The following SCAF11 variants were observed in gnomAD, a reference collection of about 807,000 sequenced individuals.
The protein encoded by SCAF11 is protein SCAF11.
A neutral mutation model predicts 140.5 loss-of-function variants in SCAF11; 47 were observed. The observed-to-expected ratio is 0.33, with a 90% CI of 0.26 to 0.43. SCAF11 has a LOEUF of 0.43. SCAF11 is among the 20% of genes least tolerant of loss of function. The pLI, the probability that SCAF11 is intolerant of heterozygous loss-of-function variation, is 1.00. For synonymous variants in SCAF11, 557 were observed against 579.4 expected (o/e 0.96, Z 0.55); for missense variants, 1,645 against 1,705.1 (o/e 0.96, Z 0.62).
rs1161992578 is a variant in SCAF11 at position 45,961,792 on chromosome 12, T to C, written c.127A>G (p.Ile43Val). 6 of 1,613,170 alleles carry C rather than the reference T, an allele frequency of 3.7e-6. No homozygotes were observed. The highest frequency in any genetic ancestry group is 2.2e-5 in the East Asian group (1 of 44,806). ...TTTTCTAATAGACAATTAAGACATA[T>C]TGGGCATCTGTCAGCCTCACTGTAC... The part of the protein sequence containing the change: ...LLYSEADRCP[I>V]CLNCLLEKEV... Residue 43 changes from isoleucine to valine, a missense_variant, in exon 3 of 15, where the codon ATA (isoleucine) becomes GTA (valine). This residue lies in a region of SCAF11 where 1,582 missense variants were observed against 1,609.2 expected (regional missense o/e 0.98). Coordinates refer to ENST00000369367, the MANE Select transcript of SCAF11 (RefSeq NM_004719.3).
rs527821452 is a variant in SCAF11 at position 45,920,607 on chromosome 12, GAAAA to G, written c.*1437_*1440del. 3.7e-5 allele frequency: 5 copies of G among 135,372 alleles called. No homozygotes were observed. The highest frequency in any genetic ancestry group is 2.3e-4 in the South Asian group (1 of 4,384). 8.4% of individuals were successfully genotyped at this position (135,372 alleles called of 1,614,324 possible). ...CTGAGATATTCTAGTATTAAAAAGA[GAAAA>G]AAAAAAAAACCCAAATCCCTAATCC... On this transcript the variant is annotated 3_prime_UTR_variant, in exon 15 of 15. Transcript: ENST00000369367.
At chr12:45,990,641 C>T (rs1057423483), upstream of SCAF11, 17 of 1,170,900 alleles carry the variant, frequency 1.5e-5, no homozygotes, top group South Asian at 4.5e-4. Flanking sequence ...CTCCTCCTCC[C>T]TTCCCTCGCT....
At chr12:45,922,354 A>C in intron 14 of SCAF11, 109 bp downstream of exon 14, 1 of 1,488,596 alleles carries the variant, frequency 6.7e-7, no homozygotes. Flanking sequence ...AGTAGACAGG[A>C]ATTAGTAGGA....
chr12:45,949,086 C>A (rs547452110), intron 4 of SCAF11, among the ~76,000 whole-genome samples: 1 of 152,070 alleles, frequency 6.6e-6, no homozygotes. Context: ...CAAGTGAATG[C>A]GATGATCAAA....
At chr12:45,978,337 T>C (rs1005628471) in intron 1 of SCAF11, among the ~76,000 whole-genome samples, 13 of 152,186 alleles carry the variant, frequency 8.5e-5, no homozygotes, top group African/African-American at 2.9e-4. Flanking sequence ...TACAATGACA[T>C]AACTAATTTA....
At chr12:45,990,168 C>T (rs373548102) in intron 1 of SCAF11, among the ~76,000 whole-genome samples, 185 bp downstream of exon 1, 8 of 152,118 alleles carry the variant, frequency 5.3e-5, no homozygotes, top group Admixed American at 2.0e-4. Flanking sequence ...GCCTCCCCCA[C>T]TTCGAGAGGT....
At chr12:45,971,859 G>A (rs779620226) in intron 1 of SCAF11, among the ~76,000 whole-genome samples, 1 of 152,072 alleles carries the variant, frequency 6.6e-6, no homozygotes, top group African/African-American at 2.4e-5. Flanking sequence ...AAAAAACTCT[G>A]GGCCAATCTT....
chr12:45,952,818 T>C (rs2136581839), intron 3 of SCAF11, among the ~76,000 whole-genome samples: 1 of 152,308 alleles, frequency 6.6e-6, no homozygotes, highest in South Asian at 2.1e-4. Flanking sequence ...ATTTTAACAA[T>C]CTAATAGCAA....
chr12:45,919,833 A>T lies in SCAF11; in HGVS notation c.*2215T>A, dbSNP rs997055974. On this transcript the variant is annotated 3_prime_UTR_variant, in exon 15 of 15. Coordinates refer to ENST00000369367, the MANE Select transcript of SCAF11 (RefSeq NM_004719.3). The stretch of plus-strand genomic sequence containing the variant: ...TTGACCACATCACTTTTTCTCCAAA[A>T]CTTTAGAACTTGTTTGCAAAAGCTA... 6 of 152,220 alleles carry T rather than the reference A, an allele frequency of 3.9e-5. No individual in the cohort carries two copies. The highest frequency in any genetic ancestry group is 2.4e-5 in the African/African-American group (1 of 41,462). 9.4% of individuals were successfully genotyped at this position (152,220 alleles called of 1,614,324 possible).
At chr12:45,975,533 C>G in intron 1 of SCAF11, 1 of 190,670 alleles carries the variant, frequency 5.2e-6, no homozygotes, top group South Asian at 1.2e-4. Flanking sequence ...CCTTAAACTT[C>G]ATGAACCAAC....
chr12:45,948,027 G>A (rs1268847269), intron 5 of SCAF11, among the ~76,000 whole-genome samples: 1 of 152,116 alleles, frequency 6.6e-6, no homozygotes, highest in Non-Finnish European at 1.5e-5. Context: ...AAAAGGTTTG[G>A]TCTAAAACAG....
chr12:45,928,737 T>A lies in SCAF11; in HGVS notation c.964A>T (p.Arg322Trp). The A allele has an allele frequency of 6.2e-7, 1 of 1,614,106 alleles. No homozygotes were observed. The highest frequency in any genetic ancestry group is 8.5e-7 in the Non-Finnish European group (1 of 1,180,002). The change falls in exon 11 of 15, where the codon AGG (arginine) becomes TGG (tryptophan). Residue 322 changes from arginine to tryptophan, a missense_variant. Coordinates refer to ENST00000369367, the MANE Select transcript of SCAF11 (RefSeq NM_004719.3). ...TCAGCTCTTGTGTTACGTGTAGACC[T>A]CCTTGTAGGAGTTGTCATTGCAGGT... ...RKPAMTTPTRRSTRNTRAETA... is the reference protein window; with the variant it reads ...RKPAMTTPTRWSTRNTRAETA...
intron 6 of SCAF11, among the ~76,000 whole-genome samples, chr12:45,940,055 C>T (rs1436429283): frequency 2.6e-5 from 4 of 152,152 alleles, no homozygotes; most frequent in Non-Finnish European, 5.9e-5. Context: ...GCAATAATTC[C>T]AAGTTACACT....
chr12:45,922,712 AAC>A (rs761331395), intron 13 of SCAF11, 130 bp from the exon 14 acceptor site: 50 of 987,400 alleles, frequency 5.1e-5, no homozygotes, highest in Middle Eastern at 6.2e-4. Context: ...ACAAATATAA[AAC>A]AGTTTATTTA....
In SCAF11 at chr12:45,919,647, T is replaced by C. The variant is rs1944661388; in HGVS notation, c.*2401A>G. The C allele has an allele frequency of 6.6e-6, 1 of 152,228 alleles. No homozygotes were observed. Among genetic ancestry groups the C allele is most frequent in the Non-Finnish European group, 1.5e-5 (1 of 68,034 alleles). The allele number at this position is 152,228 out of a possible 1,614,324, so 9.4% of individuals were successfully genotyped here. On this transcript the variant is annotated 3_prime_UTR_variant, in exon 15 of 15. Coordinates refer to ENST00000369367, the MANE Select transcript of SCAF11 (RefSeq NM_004719.3). ...TCAACATAAAGCATGCATTTTCTAA[T>C]ACATTCTTAAACATTTCAAAATTTT...
chr12:45,963,852 A>G (rs1221413000), intron 2 of SCAF11, among the ~76,000 whole-genome samples: 1 of 152,190 alleles, frequency 6.6e-6, no homozygotes, highest in Non-Finnish European at 1.5e-5. Context: ...AAACATAAAC[A>G]GTAATTCCTA....
chr12:45,989,148 A>G (rs1433362046), intron 1 of SCAF11, among the ~76,000 whole-genome samples: 1 of 152,220 alleles, frequency 6.6e-6, no homozygotes, highest in Non-Finnish European at 1.5e-5. Context: ...ACAATTACTA[A>G]TAAAATACAA....
In SCAF11 at chr12:45,928,737, T is replaced by TACCC; in HGVS notation, c.963_964insGGGT (p.Arg322GlyfsTer2). 1 of 1,614,106 alleles carries TACCC rather than the reference T, an allele frequency of 6.2e-7. No individual in the cohort carries two copies. Among genetic ancestry groups the TACCC allele is most frequent in the Non-Finnish European group, 8.5e-7 (1 of 1,180,002 alleles). On this transcript the variant is annotated frameshift_variant, in exon 11 of 15. Coordinates refer to ENST00000369367, the MANE Select transcript of SCAF11 (RefSeq NM_004719.3). LOFTEE classifies it high-confidence loss of function. ...TCAGCTCTTGTGTTACGTGTAGACC[T>TACCC]CCTTGTAGGAGTTGTCATTGCAGGT...
chr12:45,945,257 C>G lies in SCAF11; in HGVS notation c.455G>C (p.Trp152Ser). 6.4e-7 allele frequency: 1 copy of G among 1,567,032 alleles called. No homozygotes were observed. The highest frequency in any genetic ancestry group is 8.7e-7 in the Non-Finnish European group (1 of 1,152,844). ...AGCAAAAAGTAACTTACTATGTATC[C>G]ACTTCAAGTCACAAACTTTTGCACT... is the stretch of plus-strand genomic sequence containing the variant. ...LLSAKVCDLK[W>S]IHRNSLYSET... Residue 152 changes from tryptophan (W) to serine (S), a missense_variant, in exon 6 of 15, where the codon TGG becomes TCG. Physicochemically the swap from Trp to Ser is radical, Grantham distance 177. Coordinates refer to ENST00000369367, the MANE Select transcript of SCAF11 (RefSeq NM_004719.3).
Sources: allele counts gnomAD v4.1 joint callset (sites outside exome capture counted in the v4.1 genomes callset), GRCh38; gene constraint gnomAD v4.1.1; regional missense constraint gnomAD v4.1.1; transcripts MANE v1.5; gene names NCBI Gene and HGNC (gene_info 2026-07-23, HGNC 2026-07-21).